MAGI2: variants seen among roughly 807,000 people sequenced by gnomAD.
MAGI2 encodes the protein membrane associated guanylate kinase, WW and PDZ domain containing 2, also known as membrane-associated guanylate kinase, WW and PDZ domain-containing protein 2.
Under a neutral mutation model 133.3 loss-of-function variants are expected in MAGI2, and 35 were observed. That is an observed-to-expected ratio of 0.26 (90% CI 0.20 to 0.35). MAGI2 has a LOEUF of 0.35. Among genes scored for constraint, MAGI2 ranks in the 10% least tolerant of loss-of-function variants. The pLI is 1.00. For missense variants in MAGI2, 1,636 were observed against 1,863.4 expected (o/e 0.88, Z 2.25); for synonymous variants, 729 against 710.6 (o/e 1.03, Z -0.41).
chr7:79,068,747 C>T (rs1456880359), intron 1 of MAGI2, among the ~76,000 whole-genome samples: 1 of 152,190 alleles, frequency 6.6e-6, no homozygotes, highest in Non-Finnish European at 1.5e-5. Context: ...TTTCCCTCCA[C>T]ACACTGCTTT....
At chr7:78,322,203 C>T (rs558599787) in intron 9 of MAGI2, among the ~76,000 whole-genome samples, 24 of 152,246 alleles carry the variant, frequency 1.6e-4, no homozygotes, top group African/African-American at 2.9e-4. Context: ...GACAGTGTGG[C>T]GATTCCTCAA....
At chr7:79,280,127 T>C (rs562947116) in intron 1 of MAGI2, among the ~76,000 whole-genome samples, 108 of 152,234 alleles carry the variant, frequency 7.1e-4, no homozygotes, top group Non-Finnish European at 1.3e-3. Flanking sequence ...AAAAATATAA[T>C]AAGTCTTGGT....
chr7:78,685,839 T>C (rs565622825), intron 2 of MAGI2, among the ~76,000 whole-genome samples: 7 of 152,246 alleles, frequency 4.6e-5, no homozygotes, highest in Admixed American at 1.3e-4. Context: ...ATCATTGTTA[T>C]TCTGACCCCT....
intron 1 of MAGI2, among the ~76,000 whole-genome samples, chr7:79,271,384 C>T (rs1175284135): frequency 6.6e-6 from 1 of 152,036 alleles, no homozygotes; most frequent in Non-Finnish European, 1.5e-5. Flanking sequence ...ATTAGTACAT[C>T]ATTTGGTGGG....
chr7:78,883,436 T>C (rs1396211262), intron 2 of MAGI2, among the ~76,000 whole-genome samples: 1 of 152,016 alleles, frequency 6.6e-6, no homozygotes, highest in Non-Finnish European at 1.5e-5. Context: ...CTGATATCAT[T>C]AAAATGCTCA....
At chr7:79,237,763 T>A (rs1391052022) in intron 1 of MAGI2, among the ~76,000 whole-genome samples, 2 of 152,180 alleles carry the variant, frequency 1.3e-5, no homozygotes, top group Admixed American at 6.5e-5. Context: ...CAATAATCCA[T>A]CCTTGCATAT....
intron 1 of MAGI2, among the ~76,000 whole-genome samples, chr7:79,162,978 A>C (rs1003637451): frequency 6.6e-6 from 1 of 152,030 alleles, no homozygotes; most frequent in South Asian, 2.1e-4. Flanking sequence ...TTAACTGACT[A>C]TAAGTCCCTC....
At chr7:78,674,000 AAC>A (rs1814705038) in intron 2 of MAGI2, among the ~76,000 whole-genome samples, 1 of 152,212 alleles carries the variant, frequency 6.6e-6, no homozygotes, top group Non-Finnish European at 1.5e-5. Context: ...ATCAAACACA[AAC>A]ACAGTCTATG....
At chr7:79,428,910 T>C (rs911702361) in intron 1 of MAGI2, among the ~76,000 whole-genome samples, 2 of 152,164 alleles carry the variant, frequency 1.3e-5, no homozygotes, top group African/African-American at 2.4e-5. Flanking sequence ...TAGGTAATTT[T>C]TTTAGATAGC....
At chr7:78,753,202 C>T (rs1823617274) in intron 2 of MAGI2, among the ~76,000 whole-genome samples, 1 of 151,790 alleles carries the variant, frequency 6.6e-6, no homozygotes, top group African/African-American at 2.4e-5. Context: ...TTTAAGGCAG[C>T]TATTATAATT....
intron 1 of MAGI2, among the ~76,000 whole-genome samples, chr7:79,236,927 C>T (rs896472622): frequency 6.6e-6 from 1 of 152,118 alleles, no homozygotes; most frequent in Non-Finnish European, 1.5e-5. Context: ...CAACTGTAGT[C>T]CCAGCTACTC....
At chr7:78,582,100 T>G (rs1433872527) in intron 3 of MAGI2, among the ~76,000 whole-genome samples, 4 of 152,210 alleles carry the variant, frequency 2.6e-5, no homozygotes, top group Non-Finnish European at 4.4e-5. Flanking sequence ...TTTTCTCAGA[T>G]GCAAAGGTAC....
intron 1 of MAGI2, among the ~76,000 whole-genome samples, chr7:79,284,663 A>G (rs1381972816): frequency 1.3e-5 from 2 of 152,146 alleles, no homozygotes; most frequent in Non-Finnish European, 2.9e-5. Flanking sequence ...GCTCTGATTT[A>G]AGAAGATCAA....
intron 2 of MAGI2, among the ~76,000 whole-genome samples, chr7:78,823,972 T>C (rs573161873): frequency 6.6e-6 from 1 of 152,068 alleles, no homozygotes; most frequent in South Asian, 2.1e-4. Flanking sequence ...ACATAAAGAC[T>C]AAGTTCCTAT....
chr7:78,292,638 T>C (rs1207296848), intron 9 of MAGI2, among the ~76,000 whole-genome samples: 3 of 151,910 alleles, frequency 2.0e-5, no homozygotes, highest in Non-Finnish European at 4.4e-5. Context: ...CAATCCTAAG[T>C]CAAAAGAACA....
chr7:78,879,782 G>A (rs1795704796), intron 2 of MAGI2, among the ~76,000 whole-genome samples: 2 of 151,968 alleles, frequency 1.3e-5, no homozygotes, highest in Admixed American at 6.6e-5. Context: ...AGCATGTATT[G>A]CAAAGAAGCT....
At chr7:79,324,158 CTTTTTCAA>C (rs71095395) in intron 1 of MAGI2, among the ~76,000 whole-genome samples, 101,203 of 150,184 alleles carry the variant, frequency 0.67, 34,282 homozygotes, top group Non-Finnish European at 0.71. Context: ...ATGTAAAGAT[CTTTTTCAA>C]TTTTTCAAAT....
At chr7:78,748,717 T>C (rs1232162245) in intron 2 of MAGI2, among the ~76,000 whole-genome samples, 3 of 152,074 alleles carry the variant, frequency 2.0e-5, no homozygotes, top group Non-Finnish European at 4.4e-5. Context: ...CGATAGGACA[T>C]AGTCTGGGTT....
intron 1 of MAGI2, among the ~76,000 whole-genome samples, chr7:79,022,030 T>G (rs1342643144): frequency 6.6e-6 from 1 of 152,184 alleles, no homozygotes; most frequent in Non-Finnish European, 1.5e-5. Context: ...TTGTCTATCC[T>G]GCTGCCCTGT....
Sources: gnomAD v4.1 joint callset for allele counts (sites outside exome capture counted in the v4.1 genomes callset) on GRCh38, gnomAD v4.1.1 for gene constraint, MANE v1.5 for transcripts, NCBI Gene and HGNC (gene_info 2026-07-23, HGNC 2026-07-21) for gene names.